The following RIC1 variants were observed in gnomAD, a reference collection of about 807,000 sequenced individuals.
The protein encoded by RIC1 is RIC1 partner of RAB6A GEF complex, also known as guanine nucleotide exchange factor subunit RIC1.
A neutral mutation model predicts 169.0 loss-of-function variants in RIC1; 88 were observed. The observed-to-expected ratio is 0.52, with a 90% CI of 0.44 to 0.62. The LOEUF (loss-of-function observed/expected upper bound fraction) is 0.62, where lower values mean the gene tolerates loss of function less well. Among genes scored for constraint, RIC1 ranks in the 20% least tolerant of loss-of-function variants. RIC1 has a pLI of 0.00. For synonymous variants in RIC1, 790 were observed against 601.5 expected, an observed-to-expected ratio of 1.31 and a Z score of -4.59; for missense variants, 1,877 against 1,725.5, an observed-to-expected ratio of 1.09 and a Z score of -1.56.
chr9:5,747,577 A>T (rs1825456928), intron 12 of RIC1, 72 bp downstream of exon 12: 9 of 1,323,082 alleles, frequency 6.8e-6, no homozygotes, highest in Non-Finnish European at 9.7e-6. Context: ...ATTATTAAAT[A>T]TTTCATCTGT....
At chr9:5,631,097 C>T (rs7858030) in intron 1 of RIC1, among the ~76,000 whole-genome samples, 21,044 of 152,122 alleles carry the variant, frequency 0.14, 2,508 homozygotes, top group African/African-American at 0.32. Flanking sequence ...TTTATTCCCC[C>T]ATAAGAGAAG....
chr9:5,762,471 G>T, intron 17 of RIC1, 70 bp from the exon 18 acceptor site: 1 of 1,573,510 alleles, frequency 6.4e-7, no homozygotes, highest in South Asian at 1.1e-5. Flanking sequence ...AAACCTTATG[G>T]ATTGGGGGGA....
intron 21 of RIC1, 31 bp downstream of exon 21, chr9:5,765,829 T>G (rs1826694864): frequency 1.2e-6 from 2 of 1,611,862 alleles, no homozygotes; most frequent in Non-Finnish European, 1.7e-6. Flanking sequence ...TACTGCTTTT[T>G]GGGCATTCAT....
intron 6 of RIC1, among the ~76,000 whole-genome samples, chr9:5,723,755 C>A (rs1202901234): frequency 6.6e-6 from 1 of 152,160 alleles, no homozygotes; most frequent in Admixed American, 6.5e-5. Context: ...AGGAAAGGAT[C>A]CAGTTTCAGC....
Position 5,763,096 on chromosome 9 carries a change from G to A in RIC1, c.2113-44G>A, listed in dbSNP as rs1164146610. On this transcript the variant is annotated intron_variant, in intron 18 of 25. Transcript: ENST00000414202. The surrounding 1 kb of genome is among the most constrained non-coding windows in gnomAD (Gnocchi z 5.2). ...GTACCTAGGAACTTAAGAACCTGCA[G>A]ATTTAATAGGAAAACAACTTGATTC... 3 of 1,587,584 alleles carry A rather than the reference G, an allele frequency of 1.9e-6. No individual in the cohort carries two copies.
At chr9:5,713,424 A>G (rs1823053754) in intron 3 of RIC1, 1 of 152,376 alleles carries the variant, frequency 6.6e-6, no homozygotes, top group Non-Finnish European at 1.5e-5. Context: ...GCACCCTTGA[A>G]TTTCACCTTA....
chr9:5,760,665 C>T (rs1826272850), intron 17 of RIC1, among the ~76,000 whole-genome samples: 1 of 152,160 alleles, frequency 6.6e-6, no homozygotes, highest in South Asian at 2.1e-4. Context: ...TGCCACACAC[C>T]TAAATTCCAT....
chr9:5,696,806 T>C (rs773805929), intron 3 of RIC1, among the ~76,000 whole-genome samples: 11 of 152,218 alleles, frequency 7.2e-5, no homozygotes, highest in Non-Finnish European at 1.6e-4. Context: ...TTATCCATTG[T>C]CTGATTTTTG....
intron 2 of RIC1, among the ~76,000 whole-genome samples, chr9:5,658,597 C>T (rs1013627139): frequency 2.6e-5 from 4 of 151,938 alleles, no homozygotes; most frequent in Admixed American, 1.3e-4. Flanking sequence ...TTCAGTACAA[C>T]CCGAAGTAGA....
At chr9:5,724,841 T>G (rs1441492805) in intron 6 of RIC1, among the ~76,000 whole-genome samples, 1 of 152,214 alleles carries the variant, frequency 6.6e-6, no homozygotes, top group Non-Finnish European at 1.5e-5. Context: ...TTGGTTCTGT[T>G]TATATGCTGT....
intron 5 of RIC1, 129 bp downstream of exon 5, chr9:5,720,453 C>T (rs1467342056): frequency 2.5e-5 from 29 of 1,141,800 alleles, no homozygotes; most frequent in East Asian, 1.7e-4. Context: ...GTATGAGAGG[C>T]GGGGTGAGAG....
chr9:5,750,858 G>A (rs540660533), intron 12 of RIC1, among the ~76,000 whole-genome samples: 5 of 151,764 alleles, frequency 3.3e-5, no homozygotes, highest in Admixed American at 1.3e-4. Flanking sequence ...ATGACACATA[G>A]ATCAATAAAG....
intron 4 of RIC1, 58 bp from the exon 5 acceptor site, chr9:5,720,124 T>C: frequency 1.4e-6 from 2 of 1,402,732 alleles, no homozygotes; most frequent in Non-Finnish European, 2.0e-6. Context: ...AGTTTTAATA[T>C]TCATACACAT....
intron 6 of RIC1, among the ~76,000 whole-genome samples, chr9:5,731,887 GCTATTAACCA>G (rs1484413709): frequency 1.3e-5 from 2 of 152,120 alleles, no homozygotes; most frequent in African/African-American, 4.8e-5. Context: ...CAGATACCAT[GCTATTAACCA>G]TTACACTATA....
chr9:5,733,694 T>C (rs1824515796), intron 7 of RIC1, among the ~76,000 whole-genome samples: 1 of 152,162 alleles, frequency 6.6e-6, no homozygotes, highest in Non-Finnish European at 1.5e-5. Flanking sequence ...CAGTTAAATG[T>C]AGAAATACGA....
At position 5,742,950 on chromosome 9, in the gene RIC1, G is replaced by A; in HGVS notation, c.983G>A (p.Gly328Glu). ...GTTGTAATAGTGACCTGGGAATACG[G>A]AGGCCTTTCTTTATGGAGTGTTTTT... The part of the protein sequence containing the change: ...NSVVIVTWEY[G>E]GLSLWSVFGA... The change falls in exon 9 of 26, where the codon GGA becomes GAA. Residue 328 changes from glycine (G) to glutamate (E), a missense_variant. Physicochemically the swap from Gly to Glu is moderately conservative, Grantham distance 98. Around this residue, in one of 3 missense-constraint regions of RIC1, gnomAD observed 1,104 missense variants for 992.0 expected, o/e 1.11. Transcript: ENST00000414202. 6.2e-7 allele frequency: 1 copy of A among 1,613,528 alleles called. No individual in the cohort carries two copies. The highest frequency in any genetic ancestry group is 8.5e-7 in the Non-Finnish European group (1 of 1,179,674).
chr9:5,645,201 C>G (rs964586448), intron 1 of RIC1, among the ~76,000 whole-genome samples: 3 of 152,030 alleles, frequency 2.0e-5, no homozygotes, highest in Non-Finnish European at 4.4e-5. Context: ...CTACAGATGC[C>G]CAACAGCATG....
chr9:5,665,505 A>G (rs895306230), intron 2 of RIC1, among the ~76,000 whole-genome samples: 1 of 152,136 alleles, frequency 6.6e-6, no homozygotes, highest in Non-Finnish European at 1.5e-5. Context: ...GGTCATTTGG[A>G]GGAGAATAGG....
At chr9:5,726,041 T>A (rs576202437) in intron 6 of RIC1, among the ~76,000 whole-genome samples, 1 of 152,262 alleles carries the variant, frequency 6.6e-6, no homozygotes, top group East Asian at 1.9e-4. Flanking sequence ...TGATTTGGGG[T>A]GGAGAGTTCT....
Sources: gnomAD v4.1 joint callset for allele counts (sites outside exome capture counted in the v4.1 genomes callset) on GRCh38, gnomAD v4.1.1 for gene constraint, gnomAD v4.1.1 regional missense constraint, Gnocchi (gnomAD v3.1) non-coding constraint, MANE v1.5 for transcripts, NCBI Gene and HGNC (gene_info 2026-07-23, HGNC 2026-07-21) for gene names.